The following AKAP19 variants were observed in gnomAD, a reference collection of about 807,000 sequenced individuals.
The protein encoded by AKAP19 is A-kinase anchoring protein 19, also known as small A-kinase anchoring protein.
the AKAP19 span, among the ~76,000 whole-genome samples, chr2:190,128,140 T>A: frequency 1.3e-5 from 2 of 152,310 alleles, no homozygotes; most frequent in African/African-American, 4.8e-5. Flanking sequence ...AATAGCATTG[T>A]GTCTTTTTCT....
At chr2:189,976,251 C>G in the AKAP19 span, among the ~76,000 whole-genome samples, 5 of 152,306 alleles carry the variant, frequency 3.3e-5, no homozygotes, top group Non-Finnish European at 5.9e-5. Context: ...CACTCCAGAC[C>G]CTGTTTGCCT....
chr2:190,069,608 T>C, the AKAP19 span, among the ~76,000 whole-genome samples: 13 of 152,208 alleles, frequency 8.5e-5, no homozygotes, highest in African/African-American at 3.1e-4. Context: ...TTTATTTCCT[T>C]GGAATTGCCT....
At chr2:190,096,133 G>A in the AKAP19 span, among the ~76,000 whole-genome samples, 5 of 152,184 alleles carry the variant, frequency 3.3e-5, no homozygotes, top group South Asian at 4.2e-4. Flanking sequence ...TAGTGTCCAC[G>A]GCCTCTAATA....
the AKAP19 span, among the ~76,000 whole-genome samples, chr2:190,008,762 ACACACACACC>A: frequency 0.034 from 4,234 of 123,898 alleles, 81 homozygotes; most frequent in Non-Finnish European, 0.05. Context: ...ACACACACAC[ACACACACACC>A]CACCTGGTCT....
chr2:189,992,823 T>G, the AKAP19 span, among the ~76,000 whole-genome samples: 15 of 152,316 alleles, frequency 9.8e-5, no homozygotes, highest in South Asian at 2.1e-4. Flanking sequence ...AGCCTTGTTG[T>G]TGGTGGTGTA....
chr2:189,970,580 T>G, the AKAP19 span, among the ~76,000 whole-genome samples: 1 of 152,234 alleles, frequency 6.6e-6, no homozygotes. Flanking sequence ...TCATTTTTAC[T>G]ACTGAGTAAT....
the AKAP19 span, among the ~76,000 whole-genome samples, chr2:190,145,973 A>G: frequency 3.3e-5 from 1 of 30,146 alleles, no homozygotes. Flanking sequence ...TGGTTATTCC[A>G]TTTTTCTTTT....
At chr2:189,986,962 C>T in the AKAP19 span, among the ~76,000 whole-genome samples, 93 of 152,086 alleles carry the variant, frequency 6.1e-4, 1 homozygote, top group Non-Finnish European at 1.0e-3. Context: ...GCCAAGAAGT[C>T]AGGAAAAAGG....
At chr2:190,200,277 T>C in the AKAP19 span, 1 of 736,954 alleles carries the variant, frequency 1.4e-6, no homozygotes, top group Non-Finnish European at 2.3e-6. Context: ...AATGTCACTA[T>C]TATAAGAACA....
At chr2:189,931,585 C>T in the AKAP19 span, among the ~76,000 whole-genome samples, 9 of 152,168 alleles carry the variant, frequency 5.9e-5, no homozygotes, top group Non-Finnish European at 5.9e-5. Context: ...AGGCTGGTCT[C>T]GAACTCCTGT....
the AKAP19 span, among the ~76,000 whole-genome samples, chr2:189,889,856 T>A: frequency 6.6e-6 from 1 of 152,238 alleles, no homozygotes; most frequent in Non-Finnish European, 1.5e-5. Flanking sequence ...TCTATTTTGT[T>A]AATCTTCTCA....
the AKAP19 span, among the ~76,000 whole-genome samples, chr2:190,145,900 G>T: frequency 1.3e-5 from 2 of 148,802 alleles, no homozygotes; most frequent in African/African-American, 4.9e-5. Flanking sequence ...GAGATTCCTA[G>T]AAATAAATCA....
chr2:190,015,252 G>C, the AKAP19 span, among the ~76,000 whole-genome samples: 26 of 152,194 alleles, frequency 1.7e-4, no homozygotes, highest in Admixed American at 1.7e-3. Flanking sequence ...GGACATCCAG[G>C]CATTTCCATA....
At chr2:190,130,071 A>G in the AKAP19 span, among the ~76,000 whole-genome samples, 2 of 152,340 alleles carry the variant, frequency 1.3e-5, no homozygotes, top group African/African-American at 2.4e-5. Context: ...AATTTTTCAT[A>G]TTAGAGATGA....
At chr2:189,951,263 G>A in the AKAP19 span, among the ~76,000 whole-genome samples, 1 of 131,140 alleles carries the variant, frequency 7.6e-6, no homozygotes, top group African/African-American at 3.0e-5. Flanking sequence ...GTGCAATGAT[G>A]CGATCTTGGC....
At chr2:190,010,146 G>A in the AKAP19 span, among the ~76,000 whole-genome samples, 1 of 152,178 alleles carries the variant, frequency 6.6e-6, no homozygotes, top group South Asian at 2.1e-4. Flanking sequence ...GAAAGACAAG[G>A]GAGTATTTCT....
chr2:190,184,272 A>T, the AKAP19 span, among the ~76,000 whole-genome samples: 1 of 152,330 alleles, frequency 6.6e-6, no homozygotes, highest in Admixed American at 6.5e-5. Context: ...CTAGCTTAGA[A>T]ATATTCTAAT....
the AKAP19 span, among the ~76,000 whole-genome samples, chr2:190,162,417 A>G: frequency 1.3e-5 from 2 of 152,200 alleles, no homozygotes; most frequent in Admixed American, 6.5e-5. Flanking sequence ...CGTTGAATAT[A>G]TACAAAAGAG....
the AKAP19 span, among the ~76,000 whole-genome samples, chr2:190,038,798 T>C: frequency 1.3e-4 from 20 of 152,138 alleles, no homozygotes; most frequent in Non-Finnish European, 1.5e-5. Context: ...GGGGGAAGAA[T>C]TGCCAAAAAG....
Sources: allele counts gnomAD v4.1 joint callset (sites outside exome capture counted in the v4.1 genomes callset), GRCh38; gene constraint gnomAD v4.1.1; transcripts MANE v1.5; gene names NCBI Gene and HGNC (gene_info 2026-07-23, HGNC 2026-07-21).